The following MYOF variants were observed in gnomAD, a reference collection of about 807,000 sequenced individuals.
MYOF encodes fer-1-like 3, myoferlin.
MYOF carries 244 observed loss-of-function variants against 284.2 expected under a neutral mutation model. That is an observed-to-expected ratio of 0.86 (90% CI 0.77 to 0.95). MYOF has a LOEUF of 0.95. Among genes scored for constraint, MYOF ranks in the 40% least tolerant of loss-of-function variants. The pLI, the probability that MYOF is intolerant of heterozygous loss-of-function variation, is 0.00. For synonymous variants in MYOF, 904 were observed against 919.7 expected (o/e 0.98, Z 0.31); for missense variants, 2,496 against 2,560.6 (o/e 0.97, Z 0.54).
chr10:93,364,269 T>G (rs1382133185), intron 26 of MYOF, among the ~76,000 whole-genome samples, 194 bp from the exon 27 acceptor site: 1 of 152,260 alleles, frequency 6.6e-6, no homozygotes, highest in Non-Finnish European at 1.5e-5. Context: ...AAGAGCCTGC[T>G]GGAACAATGT....
intron 32 of MYOF, among the ~76,000 whole-genome samples, chr10:93,353,508 C>A (rs1005870138): frequency 1.3e-5 from 2 of 152,104 alleles, no homozygotes; most frequent in African/African-American, 4.8e-5. Flanking sequence ...GGGATGAAAA[C>A]ACAGCCATGT....
At chr10:93,308,908 C>G (rs1022720163) in intron 53 of MYOF, among the ~76,000 whole-genome samples, 1 of 152,094 alleles carries the variant, frequency 6.6e-6, no homozygotes, top group Non-Finnish European at 1.5e-5. Flanking sequence ...GACGGGGTTT[C>G]GCTATGTTGG....
Position 93,395,316 on chromosome 10 carries a change from G to A in MYOF, c.1417+826C>T, listed in dbSNP as rs548415095. ...AAATTAGCTGGGCGTGGTGGCATGC[G>A]CCTGTAGTCCCAGCTACTCGGGAGG... On this transcript the variant is annotated intron_variant, in intron 16 of 53. Coordinates refer to ENST00000359263, the MANE Select transcript of MYOF (RefSeq NM_013451.4). Among the ~76,000 whole-genome samples, 5 of 152,244 alleles carry A rather than the reference G, an allele frequency of 3.3e-5. No homozygotes were observed. In the East Asian group the frequency reaches 7.7e-4, roughly 24 times the overall value.
chr10:93,309,580 A>G (rs1025270124), intron 53 of MYOF, among the ~76,000 whole-genome samples: 1 of 152,212 alleles, frequency 6.6e-6, no homozygotes, highest in African/African-American at 2.4e-5. Flanking sequence ...GTTGGGATCA[A>G]TGATCTAGTT....
At chr10:93,367,649 G>A (rs778314162) in intron 25 of MYOF, among the ~76,000 whole-genome samples, 1 of 152,108 alleles carries the variant, frequency 6.6e-6, no homozygotes, top group Non-Finnish European at 1.5e-5. Context: ...TAAAATCCAG[G>A]CAAAGACTTG....
At chr10:93,456,151 A>G (rs1269621619) in intron 2 of MYOF, among the ~76,000 whole-genome samples, 1 of 152,214 alleles carries the variant, frequency 6.6e-6, no homozygotes, top group Non-Finnish European at 1.5e-5. Flanking sequence ...ATACTTTTGA[A>G]TTATTAAAAT....
At position 93,351,204 on chromosome 10, in the gene MYOF, G is replaced by T; in HGVS notation, c.3914C>A (p.Ala1305Asp). 6.2e-7 allele frequency: 1 copy of T among 1,614,142 alleles called. No homozygotes were observed. The highest frequency in any genetic ancestry group is 8.5e-7 in the Non-Finnish European group (1 of 1,179,998). The change falls in exon 35 of 54, where the codon GCC (alanine) becomes GAC (aspartate). Residue 1305 changes from alanine (A) to aspartate (D), a missense_variant. Physicochemically the swap from Ala to Asp is moderately radical, Grantham distance 126. This residue lies in a region of MYOF where 2,436 missense variants were observed against 2,480.7 expected (regional missense o/e 0.98). Coordinates refer to ENST00000359263, the MANE Select transcript of MYOF (RefSeq NM_013451.4). ...ACGTGGGGAGCAGCATACCTCAATG[G>T]CAGTGAGCTGGACCACAGGCCTGAT... ...QGIRPVVQLT[A>D]IEILAWGLRN...
Position 93,373,184 on chromosome 10 carries a change from T to C in MYOF, c.2302-99A>G, listed in dbSNP as rs576049327. The C allele has an allele frequency of 7.1e-6, 10 of 1,407,658 alleles. No individual in the cohort carries two copies. The East Asian group carries it at 2.1e-4, about 29-fold the overall frequency. The allele number at this position is 1,407,658 out of a possible 1,614,324, so 87.2% of individuals were successfully genotyped here. On this transcript the variant is annotated intron_variant, in intron 23 of 53. Coordinates refer to ENST00000359263, the MANE Select transcript of MYOF (RefSeq NM_013451.4). ...CAGGCTGGACCCTCAGGGATTCATTTAGCAAAGAAACGCTGTGGTTAGGGC... is the reference window on the plus strand; with the variant it reads ...CAGGCTGGACCCTCAGGGATTCATTCAGCAAAGAAACGCTGTGGTTAGGGC...
intron 3 of MYOF, among the ~76,000 whole-genome samples, chr10:93,440,820 C>A (rs1290219417): frequency 6.6e-6 from 1 of 152,172 alleles, no homozygotes; most frequent in African/African-American, 2.4e-5. Context: ...CTCTTTCAGC[C>A]TCTCTGGGTA....
Position 93,431,434 on chromosome 10 carries a change from G to T in MYOF, c.319C>A (p.Leu107Ile), listed in dbSNP as rs1848864498. 3.7e-6 allele frequency: 6 copies of T among 1,613,948 alleles called. No homozygotes were observed. Among genetic ancestry groups the T allele is most frequent in the Non-Finnish European group, 5.1e-6 (6 of 1,179,920 alleles). ...CCAGTATCTTGCCCTTTTTCATTTA[G>T]CAGGGAGATCAGCTTGTACGGCAGG... Reference protein sequence around the residue: ...RSLPYKLISLLNEKGQDTGAT... With the variant: ...RSLPYKLISLINEKGQDTGAT... The change falls in exon 4 of 54, where the codon CTA becomes ATA. Residue 107 changes from leucine to isoleucine, a missense_variant. Transcript: ENST00000359263.
chr10:93,443,351 C>T (rs2056328262), intron 3 of MYOF, among the ~76,000 whole-genome samples: 1 of 152,126 alleles, frequency 6.6e-6, no homozygotes, highest in Admixed American at 6.6e-5. Flanking sequence ...CTGCCTCAAG[C>T]AGTTTCCTCA....
At chr10:93,464,338 CTCTT>C (rs2056954616) in intron 1 of MYOF, among the ~76,000 whole-genome samples, 1 of 152,210 alleles carries the variant, frequency 6.6e-6, no homozygotes, top group African/African-American at 2.4e-5. Context: ...CTTAAAATCT[CTCTT>C]TCTGTCTCTG....
chr10:93,391,649 A>G (rs1589491479), intron 17 of MYOF, among the ~76,000 whole-genome samples: 1 of 152,198 alleles, frequency 6.6e-6, no homozygotes, highest in Non-Finnish European at 1.5e-5. Context: ...CATAAGCTAA[A>G]TCTCTTCCTG....
At chr10:93,461,221 C>G (rs2056874032) in intron 1 of MYOF, among the ~76,000 whole-genome samples, 1 of 152,196 alleles carries the variant, frequency 6.6e-6, no homozygotes, top group Non-Finnish European at 1.5e-5. Flanking sequence ...CAGCTCAGGC[C>G]AAGAGACCTC....
chr10:93,402,726 G>C, intron 10 of MYOF, 134 bp downstream of exon 10: 3 of 764,212 alleles, frequency 3.9e-6, no homozygotes, highest in Non-Finnish European at 6.2e-6. Context: ...CCCTCATTAA[G>C]AAAATATTTT....
chr10:93,401,602 C>G, intron 11 of MYOF, 58 bp from the exon 12 acceptor site: 1 of 1,578,546 alleles, frequency 6.3e-7, no homozygotes, highest in Non-Finnish European at 8.6e-7. Context: ...TGGAAAAAGC[C>G]AAATTAATGC....
chr10:93,468,479 A>T (rs1422033938), intron 1 of MYOF, among the ~76,000 whole-genome samples: 2 of 152,250 alleles, frequency 1.3e-5, no homozygotes, highest in African/African-American at 2.4e-5. Flanking sequence ...CTTTGGGAGG[A>T]TCCAGTCCTC....
chr10:93,396,187 A>G lies in MYOF; in HGVS notation c.1372T>C (p.Tyr458His). The G allele has an allele frequency of 6.2e-7, 1 of 1,607,154 alleles. No individual in the cohort carries two copies. The highest frequency in any genetic ancestry group is 8.5e-7 in the Non-Finnish European group (1 of 1,176,410). The change falls in exon 16 of 54, where the codon TAT becomes CAT. Residue 458 changes from tyrosine (Y) to histidine (H), a missense_variant. Physicochemically the swap from Tyr to His is moderately conservative, Grantham distance 83. Coordinates refer to ENST00000359263, the MANE Select transcript of MYOF (RefSeq NM_013451.4). ...LTKNDVVGTT[Y>H]LHLSKIAASG... is the part of the protein sequence containing the mutation. ...GCAGCAATTTTAGAGAGGTGTAGATATGTTGTTCCAACTACATCATTTTTA... is the reference window on the plus strand; with the variant it reads ...GCAGCAATTTTAGAGAGGTGTAGATGTGTTGTTCCAACTACATCATTTTTA...
At position 93,455,325 on chromosome 10, in the gene MYOF, C is replaced by CA. The variant is rs758921726; in HGVS notation, c.144+1556dup. Among the ~76,000 whole-genome samples, 895 of 150,818 alleles carry CA rather than the reference C, an allele frequency of 5.9e-3. 7 individuals carry two copies. Among genetic ancestry groups the CA allele is most frequent in the South Asian group, 9.4e-3 (45 of 4,770 alleles). On this transcript the variant is annotated intron_variant, in intron 2 of 53. Transcript: ENST00000359263. ...AAAAAACAAAAAAACAAAAAAAGAA[C>CA]AAAAAAAACCCCCAAGGCATTAAAA...
Sources: gnomAD v4.1 joint callset for allele counts (sites outside exome capture counted in the v4.1 genomes callset) on GRCh38, gnomAD v4.1.1 for gene constraint, gnomAD v4.1.1 regional missense constraint, MANE v1.5 for transcripts, NCBI Gene and HGNC (gene_info 2026-07-23, HGNC 2026-07-21) for gene names.